Variants in BTBD9 observed in about 807,000 individuals in gnomAD.
BTBD9 encodes the protein BTB/POZ domain-containing protein 9.
In BTBD9, 49 loss-of-function variants were observed where a neutral mutation model predicts 64.3. The observed-to-expected ratio is 0.76, with a 90% CI of 0.61 to 0.97. The LOEUF is 0.97. Among genes scored for constraint, BTBD9 ranks in the 50% least tolerant of loss-of-function variants. The pLI is 0.00. For synonymous variants in BTBD9, 260 were observed against 274.7 expected (o/e 0.95, Z 0.53); for missense variants, 598 against 762.1 (o/e 0.78, Z 2.53).
At chr6:38,438,725 T>C (rs1768872650) in intron 6 of BTBD9, among the ~76,000 whole-genome samples, 1 of 151,268 alleles carries the variant, frequency 6.6e-6, no homozygotes, top group African/African-American at 2.4e-5. Context: ...GAGAGCTTCA[T>C]TTTAGTGGGG....
At chr6:38,576,449 TA>T (rs749387879) in intron 6 of BTBD9, among the ~76,000 whole-genome samples, 3 of 151,884 alleles carry the variant, frequency 2.0e-5, no homozygotes, top group Non-Finnish European at 4.4e-5. Flanking sequence ...GTCATACCAA[TA>T]AAAAAAATGT....
At chr6:38,527,374 A>T (rs1773557364) in intron 6 of BTBD9, among the ~76,000 whole-genome samples, 1 of 150,840 alleles carries the variant, frequency 6.6e-6, no homozygotes, top group Admixed American at 6.6e-5. Context: ...GTCTAATTGT[A>T]ATCCCCATGT....
Position 38,232,726 on chromosome 6 carries a change from TG to T in BTBD9, c.1562+23682del, listed in dbSNP as rs538218219. Among the ~76,000 whole-genome samples the T allele has an allele frequency of 3.3e-5, 5 of 152,000 alleles. No individual in the cohort carries two copies. The South Asian group carries it at 1.0e-3, about 32-fold the overall frequency. ...GTTACCCAGGCTGGTTTCAGACTCC[TG>T]GGCTCAAGCGATCTTCCCACCTCAG... On this transcript the variant is annotated intron_variant, in intron 9 of 10. Transcript: ENST00000481247.
chr6:38,593,396 T>C (rs1776896521), intron 3 of BTBD9, among the ~76,000 whole-genome samples: 1 of 152,224 alleles, frequency 6.6e-6, no homozygotes, highest in African/African-American at 2.4e-5. Flanking sequence ...AGCTTTTCAA[T>C]AGATTTTTCT....
At chr6:38,283,408 G>A (rs1040412036) in intron 8 of BTBD9, among the ~76,000 whole-genome samples, 2 of 152,170 alleles carry the variant, frequency 1.3e-5, no homozygotes, top group African/African-American at 4.8e-5. Context: ...AGCACTTTGG[G>A]AGGCTAAGTC....
rs70981555 is a variant in BTBD9, at chr6:38,487,592, C to CGAGAGAGAGAGAGA, written c.1154+89994_1154+90007dup. Reference sequence around the variant, plus strand: ...GCGAGAGAGACAGAGAGAGAGTCAGCGAGAGAGAGAGAGAGAGAGAGAGAG... The same window carrying CGAGAGAGAGAGAGA: ...GCGAGAGAGACAGAGAGAGAGTCAGCGAGAGAGAGAGAGAGAGAGAGAGAGAGAGAGAGAGAGAG... On this transcript the variant is annotated intron_variant, in intron 6 of 10. Coordinates refer to ENST00000481247, the MANE Select transcript of BTBD9 (RefSeq NM_001099272.2). Among the ~76,000 whole-genome samples the CGAGAGAGAGAGAGA allele has an allele frequency of 1.5e-3, 188 of 122,818 alleles. 1 individual carries two copies. Among genetic ancestry groups the CGAGAGAGAGAGAGA allele is most frequent in the African/African-American group, 4.4e-3 (142 of 32,368 alleles). 80.6% of individuals were successfully genotyped at this position (122,818 alleles called of 152,430 possible).
At chr6:38,461,553 C>G (rs986447989) in intron 6 of BTBD9, among the ~76,000 whole-genome samples, 3 of 152,102 alleles carry the variant, frequency 2.0e-5, no homozygotes, top group African/African-American at 7.2e-5. Flanking sequence ...AAACACAATT[C>G]GTTTTATCTG....
intron 7 of BTBD9, among the ~76,000 whole-genome samples, chr6:38,331,179 T>G (rs1290653469): frequency 6.6e-6 from 1 of 152,186 alleles, no homozygotes; most frequent in African/African-American, 2.4e-5. Context: ...CACAAATTAA[T>G]AATAAGAAAG....
intron 10 of BTBD9, among the ~76,000 whole-genome samples, chr6:38,178,763 G>A (rs1371226939): frequency 6.6e-6 from 1 of 150,948 alleles, no homozygotes; most frequent in Non-Finnish European, 1.5e-5. Flanking sequence ...GAGGGGTGGG[G>A]CAGAGGCCAC....
At chr6:38,204,499 A>G (rs776460762) in intron 9 of BTBD9, among the ~76,000 whole-genome samples, 5 of 152,202 alleles carry the variant, frequency 3.3e-5, no homozygotes, top group Non-Finnish European at 5.9e-5. Context: ...AAATGTATAG[A>G]ATATACAGAC....
intron 6 of BTBD9, among the ~76,000 whole-genome samples, chr6:38,513,635 G>GAC (rs139809116): frequency 5.1e-4 from 77 of 151,444 alleles, no homozygotes; most frequent in Middle Eastern, 3.4e-3. Context: ...TTAATATGAA[G>GAC]ACACACACAC....
intron 6 of BTBD9, among the ~76,000 whole-genome samples, chr6:38,574,169 T>C (rs915850477): frequency 1.3e-5 from 2 of 152,180 alleles, no homozygotes; most frequent in Non-Finnish European, 2.9e-5. Context: ...AAGCGAACCA[T>C]TGCTCTGAGT....
chr6:38,611,623 A>G (rs1777620200), intron 1 of BTBD9, among the ~76,000 whole-genome samples: 1 of 152,204 alleles, frequency 6.6e-6, no homozygotes, highest in Non-Finnish European at 1.5e-5. Flanking sequence ...CCGGTGTCCC[A>G]TAAGGATGCA....
At chr6:38,548,145 A>G (rs959396069) in intron 6 of BTBD9, among the ~76,000 whole-genome samples, 4 of 152,236 alleles carry the variant, frequency 2.6e-5, no homozygotes, top group South Asian at 2.1e-4. Flanking sequence ...CAGCAAATCT[A>G]TAAGTATACT....
intron 6 of BTBD9, among the ~76,000 whole-genome samples, chr6:38,499,007 A>C (rs772222411): frequency 3.2e-4 from 48 of 152,228 alleles, no homozygotes; most frequent in Non-Finnish European, 5.7e-4. Flanking sequence ...CTGGAGTCTA[A>C]ACAATGCCTG....
At chr6:38,587,166 C>A (rs1454253222) in intron 4 of BTBD9, among the ~76,000 whole-genome samples, 2 of 152,078 alleles carry the variant, frequency 1.3e-5, no homozygotes, top group East Asian at 3.9e-4. Flanking sequence ...CCATGGAGGG[C>A]AACCGAGGGG....
intron 8 of BTBD9, among the ~76,000 whole-genome samples, chr6:38,258,213 T>C (rs1412032952): frequency 6.6e-6 from 1 of 151,962 alleles, no homozygotes; most frequent in Non-Finnish European, 1.5e-5. Context: ...CTCGAACTCC[T>C]GACCTCAGGT....
At chr6:38,582,103 C>T (rs1776313759) in intron 4 of BTBD9, among the ~76,000 whole-genome samples, 1 of 151,934 alleles carries the variant, frequency 6.6e-6, no homozygotes, top group African/African-American at 2.4e-5. Context: ...AAGAGAGTGG[C>T]ACCAGAAAAG....
intron 10 of BTBD9, among the ~76,000 whole-genome samples, chr6:38,177,734 T>G (rs1212742643): frequency 2.6e-5 from 4 of 152,224 alleles, no homozygotes; most frequent in Non-Finnish European, 5.9e-5. Context: ...CATTTCCAGC[T>G]GCATTTATCT....
Sources: allele counts gnomAD v4.1 joint callset (sites outside exome capture counted in the v4.1 genomes callset), GRCh38; gene constraint gnomAD v4.1.1; transcripts MANE v1.5; gene names NCBI Gene and HGNC (gene_info 2026-07-23, HGNC 2026-07-21).